Variants in PRKG1 observed in about 807,000 individuals in gnomAD.
The protein encoded by PRKG1 is cGMP-dependent protein kinase 1.
Under a neutral mutation model 88.1 loss-of-function variants are expected in PRKG1, and 35 were observed. The observed-to-expected ratio is 0.40, with a 90% CI of 0.30 to 0.53. PRKG1 has a LOEUF of 0.53. PRKG1 is among the 20% of genes least tolerant of loss of function. PRKG1 has a pLI of 0.59. For synonymous variants in PRKG1, 303 were observed against 292.5 expected (o/e 1.04, Z -0.37); for missense variants, 540 against 839.8 (o/e 0.64, Z 4.41).
At chr10:51,340,264 G>A (rs1841975635) in intron 2 of PRKG1, among the ~76,000 whole-genome samples, 1 of 152,076 alleles carries the variant, frequency 6.6e-6, no homozygotes, top group African/African-American at 2.4e-5. Context: ...AGCTTGAACT[G>A]CTATTCTAAC....
At chr10:51,228,679 T>G (rs1463725033) in intron 2 of PRKG1, among the ~76,000 whole-genome samples, 8 of 152,230 alleles carry the variant, frequency 5.3e-5, no homozygotes, top group Non-Finnish European at 1.2e-4. Context: ...GAAAAGTTGC[T>G]GCTTTCAATT....
intron 2 of PRKG1, among the ~76,000 whole-genome samples, chr10:51,307,017 A>T (rs1036954980): frequency 3.3e-5 from 5 of 152,132 alleles, no homozygotes; most frequent in Admixed American, 3.3e-4. Context: ...TGGGGAGCAG[A>T]CTGTTTCTCC....
At chr10:52,062,752 A>G in intron 7 of PRKG1, 121 bp downstream of exon 7, 2 of 757,816 alleles carry the variant, frequency 2.6e-6, no homozygotes, top group Non-Finnish European at 2.4e-6. Context: ...TCAAATATGG[A>G]CCCTTGATGA....
At chr10:51,148,748 T>C (rs955285295) in intron 1 of PRKG1, among the ~76,000 whole-genome samples, 1 of 152,164 alleles carries the variant, frequency 6.6e-6, no homozygotes, top group Non-Finnish European at 1.5e-5. Context: ...GTTTCAATTA[T>C]AAAACTCCCT....
intron 2 of PRKG1, among the ~76,000 whole-genome samples, chr10:51,264,890 T>G (rs1839800369): frequency 6.6e-6 from 1 of 152,300 alleles, no homozygotes; most frequent in South Asian, 2.1e-4. Flanking sequence ...GTCTTAAAAT[T>G]ATTTTCAGTG....
chr10:51,856,235 G>A (rs1840676015), intron 4 of PRKG1, among the ~76,000 whole-genome samples: 1 of 152,092 alleles, frequency 6.6e-6, no homozygotes, highest in Non-Finnish European at 1.5e-5. Flanking sequence ...CATCCACAAA[G>A]TCCCTTTGTT....
chr10:51,798,789 A>G (rs183416692), intron 3 of PRKG1, among the ~76,000 whole-genome samples: 36 of 152,232 alleles, frequency 2.4e-4, no homozygotes, highest in African/African-American at 8.4e-4. Context: ...TGCTCATTGC[A>G]AATCACTTAG....
chr10:51,765,863 G>A (rs145555801), intron 3 of PRKG1, among the ~76,000 whole-genome samples: 16 of 149,060 alleles, frequency 1.1e-4, no homozygotes, highest in South Asian at 2.1e-4. Context: ...AGCTCAGGCG[G>A]CCATAAAAAT....
intron 3 of PRKG1, chr10:51,699,595 T>C: frequency 6.4e-7 from 1 of 1,554,274 alleles, no homozygotes; most frequent in Non-Finnish European, 8.7e-7. Context: ...TCGAGGCGTC[T>C]GTCCTCTTGC....
intron 5 of PRKG1, 73 bp downstream of exon 5, chr10:51,907,643 T>A: frequency 7.6e-7 from 1 of 1,318,284 alleles, no homozygotes; most frequent in Non-Finnish European, 1.1e-6. Flanking sequence ...CACAGCTGTG[T>A]GATGAGGAAT....
intron 2 of PRKG1, among the ~76,000 whole-genome samples, chr10:51,303,982 G>A (rs1051827830): frequency 2.0e-5 from 3 of 151,978 alleles, no homozygotes; most frequent in African/African-American, 7.2e-5. Flanking sequence ...ACCATGCCCA[G>A]TTAATTTTGG....
At chr10:51,373,283 CA>C (rs1434714708) in intron 2 of PRKG1, among the ~76,000 whole-genome samples, 1 of 152,102 alleles carries the variant, frequency 6.6e-6, no homozygotes, top group East Asian at 1.9e-4. Flanking sequence ...TCTGTGGATC[CA>C]GAATCTGGAA....
chr10:51,142,894 A>G (rs1197796128), intron 1 of PRKG1, among the ~76,000 whole-genome samples: 1 of 152,156 alleles, frequency 6.6e-6, no homozygotes, highest in African/African-American at 2.4e-5. Context: ...CATGTACAAT[A>G]TGATGTTTTG....
At chr10:52,227,644 A>C in intron 9 of PRKG1, among the ~76,000 whole-genome samples, 1 of 152,138 alleles carries the variant, frequency 6.6e-6, no homozygotes, top group East Asian at 1.9e-4. Flanking sequence ...ATGATTACCA[A>C]GGGATGACTG....
chr10:51,778,519 G>A (rs1316894378), intron 3 of PRKG1, among the ~76,000 whole-genome samples: 1 of 152,086 alleles, frequency 6.6e-6, no homozygotes, highest in East Asian at 1.9e-4. Context: ...GGTTAATTTA[G>A]CTTTCCATTT....
chr10:51,451,191 A>G (rs1839428352), intron 2 of PRKG1, among the ~76,000 whole-genome samples: 2 of 151,930 alleles, frequency 1.3e-5, no homozygotes, highest in South Asian at 2.1e-4. Context: ...AAGACCTAAC[A>G]GTATGTCTAA....
intron 9 of PRKG1, among the ~76,000 whole-genome samples, chr10:52,227,707 T>A (rs1840423235): frequency 1.3e-5 from 2 of 152,084 alleles, no homozygotes; most frequent in Admixed American, 6.6e-5. Context: ...TATAAAGACA[T>A]GAATAATAGA....
At chr10:51,719,591 C>A (rs148409011) in intron 3 of PRKG1, among the ~76,000 whole-genome samples, 2 of 152,072 alleles carry the variant, frequency 1.3e-5, no homozygotes, top group Non-Finnish European at 2.9e-5. Flanking sequence ...ACACAAAATC[C>A]TGGATTAAAT....
At chr10:51,637,317 G>T (rs535861488) in intron 3 of PRKG1, among the ~76,000 whole-genome samples, 5 of 152,308 alleles carry the variant, frequency 3.3e-5, no homozygotes, top group African/African-American at 1.2e-4. Context: ...TACACTGTTG[G>T]TGGGAGTGTA....
Sources: gnomAD v4.1 joint callset for allele counts (sites outside exome capture counted in the v4.1 genomes callset) on GRCh38, gnomAD v4.1.1 for gene constraint, MANE v1.5 for transcripts, NCBI Gene and HGNC (gene_info 2026-07-23, HGNC 2026-07-21) for gene names.